The following IBTK variants were observed in gnomAD, a reference collection of about 807,000 sequenced individuals.
IBTK encodes BTK-binding protein.
IBTK carries 83 observed loss-of-function variants against 154.9 expected under a neutral mutation model. The observed-to-expected ratio is 0.54, with a 90% CI of 0.45 to 0.64. The LOEUF (loss-of-function observed/expected upper bound fraction) is 0.64. IBTK is among the 30% of genes least tolerant of loss of function. The pLI is 0.00. For missense variants in IBTK, 1,332 were observed against 1,584.6 expected, an observed-to-expected ratio of 0.84 and a Z score of 2.71; for synonymous variants, 515 against 536.1, an observed-to-expected ratio of 0.96 and a Z score of 0.54.
At chr6:82,232,831 C>T (rs1296748701) in intron 3 of IBTK, among the ~76,000 whole-genome samples, 2 of 151,942 alleles carry the variant, frequency 1.3e-5, no homozygotes, top group Non-Finnish European at 2.9e-5. Context: ...CCCTGGTCAA[C>T]GTGGCAAAAC....
chr6:82,181,008 T>C (rs986923065), intron 26 of IBTK, among the ~76,000 whole-genome samples: 14 of 152,356 alleles, frequency 9.2e-5, no homozygotes, highest in African/African-American at 3.4e-4. Flanking sequence ...AATACTGCTT[T>C]TAAATTATAG....
chr6:82,220,647 A>G lies in IBTK; in HGVS notation c.1191T>C (p.His397=). 6.2e-7 allele frequency: 1 copy of G among 1,612,862 alleles called. No homozygotes were observed. Among genetic ancestry groups the G allele is most frequent in the Non-Finnish European group, 8.5e-7 (1 of 1,179,534 alleles). The change falls in exon 9 of 29, where the codon CAT becomes CAC. Residue 397 remains histidine (H), a synonymous_variant. Coordinates refer to ENST00000306270, the MANE Select transcript of IBTK (RefSeq NM_015525.4). ...TTTTTTGACCCCCATTTTCTTTCAAATGTTCAGGATCAACCTTGTATTCCA... is the reference window on the plus strand; with the variant it reads ...TTTTTTGACCCCCATTTTCTTTCAAGTGTTCAGGATCAACCTTGTATTCCA... ...GHMEYKVDPE[H]LKENGGQKIC...
At chr6:82,204,405 A>C (rs1769321307) in intron 17 of IBTK, among the ~76,000 whole-genome samples, 1 of 152,206 alleles carries the variant, frequency 6.6e-6, no homozygotes, top group Admixed American at 6.5e-5. Flanking sequence ...TAATGAAGAG[A>C]GCAAGAAAGA....
chr6:82,210,921 T>C lies in IBTK; in HGVS notation c.2413-11A>G, dbSNP rs372028127. 256 of 1,434,322 alleles carry C rather than the reference T, an allele frequency of 1.8e-4. No individual in the cohort carries two copies. Among genetic ancestry groups the C allele is most frequent in the Non-Finnish European group, 2.4e-4 (251 of 1,051,482 alleles). The allele number at this position is 1,434,322 out of a possible 1,614,324, so 88.8% of individuals were successfully genotyped here. On this transcript the variant is annotated splice_polypyrimidine_tract_variant and intron_variant, in intron 15 of 28. Transcript: ENST00000306270. ...TGCACAACTGGAAGCCTAAATAAAA[T>C]AAGACAAAATAAAGTAAAATAATTC...
chr6:82,220,651 T>G lies in IBTK; in HGVS notation c.1187A>C (p.Glu396Ala). Residue 396 changes from glutamate (E) to alanine (A), a missense_variant, in exon 9 of 29, where the codon GAA (glutamate) becomes GCA (alanine). Coordinates refer to ENST00000306270, the MANE Select transcript of IBTK (RefSeq NM_015525.4). ...TTGACCCCCATTTTCTTTCAAATGT[T>G]CAGGATCAACCTTGTATTCCATATG... ...GGHMEYKVDP[E>A]HLKENGGQKI... 1 of 1,613,022 alleles carries G rather than the reference T, an allele frequency of 6.2e-7. No individual in the cohort carries two copies. The highest frequency in any genetic ancestry group is 1.3e-5 in the African/African-American group (1 of 74,912).
At chr6:82,220,763 C>T (rs368501429) in intron 8 of IBTK, 50 bp from the exon 9 acceptor site, 3 of 1,366,908 alleles carry the variant, frequency 2.2e-6, no homozygotes, top group East Asian at 5.0e-5. Context: ...CTAAACTACA[C>T]ATGCCTAAAC....
At chr6:82,207,981 T>C (rs1234849773) in intron 16 of IBTK, among the ~76,000 whole-genome samples, 2 of 152,020 alleles carry the variant, frequency 1.3e-5, no homozygotes, top group East Asian at 3.8e-4. Context: ...GGGAAGATAT[T>C]GGTCAAAGAG....
chr6:82,186,167 C>A (rs1283997969), intron 25 of IBTK, among the ~76,000 whole-genome samples: 1 of 152,118 alleles, frequency 6.6e-6, no homozygotes, highest in Non-Finnish European at 1.5e-5. Flanking sequence ...TGGCAGTTCT[C>A]CCATCTCTCT....
At chr6:82,200,831 C>T (rs1769183996) in intron 19 of IBTK, 123 bp from the exon 20 acceptor site, 2 of 1,117,032 alleles carry the variant, frequency 1.8e-6, no homozygotes, top group Non-Finnish European at 2.4e-6. Flanking sequence ...GAACACCTGG[C>T]CCCAAGCAAA....
intron 18 of IBTK, 91 bp downstream of exon 18, chr6:82,202,437 C>T (rs1307341059): frequency 4.0e-6 from 3 of 749,654 alleles, no homozygotes; most frequent in Non-Finnish European, 7.0e-6. Context: ...AGGTAAACAT[C>T]ATTATTCACA....
At chr6:82,193,743 G>A (rs997472405) in intron 23 of IBTK, among the ~76,000 whole-genome samples, 2 of 151,752 alleles carry the variant, frequency 1.3e-5, no homozygotes, top group Non-Finnish European at 1.5e-5. Context: ...GTGCAGTGGC[G>A]CGATCTGGGC....
chr6:82,218,489 T>C (rs1177852258), intron 9 of IBTK, among the ~76,000 whole-genome samples: 1 of 152,216 alleles, frequency 6.6e-6, no homozygotes, highest in Non-Finnish European at 1.5e-5. Context: ...GTCAGGCTTC[T>C]TGTAGTACTA....
intron 23 of IBTK, 41 bp downstream of exon 23, chr6:82,194,438 T>A (rs186764393): frequency 8.0e-7 from 1 of 1,254,278 alleles, no homozygotes; most frequent in East Asian, 2.7e-5. Flanking sequence ...ATGAATGACA[T>A]TTCTCAAACT....
chr6:82,211,784 T>C (rs1769659079), intron 13 of IBTK, among the ~76,000 whole-genome samples: 1 of 152,172 alleles, frequency 6.6e-6, no homozygotes, highest in Non-Finnish European at 1.5e-5. Flanking sequence ...GGGAGCCGAA[T>C]ACAAATATTC....
chr6:82,236,504 T>G (rs1011172392), intron 2 of IBTK, among the ~76,000 whole-genome samples: 5 of 152,154 alleles, frequency 3.3e-5, no homozygotes, highest in Non-Finnish European at 7.3e-5. Context: ...TCCACAAGCA[T>G]AAACAGTCTT....
At chr6:82,181,755 T>A in intron 26 of IBTK, 124 bp downstream of exon 26, 1 of 635,086 alleles carries the variant, frequency 1.6e-6, no homozygotes, top group Non-Finnish European at 2.6e-6. Flanking sequence ...TAATTTTAAT[T>A]CTGAATGTAA....
intron 4 of IBTK, among the ~76,000 whole-genome samples, chr6:82,230,017 C>A (rs1200450247): frequency 6.6e-6 from 1 of 152,022 alleles, no homozygotes; most frequent in Non-Finnish European, 1.5e-5. Context: ...TATTATTTAT[C>A]ATGCAAACAT....
chr6:82,210,750 C>T (rs565642986), intron 16 of IBTK, 64 bp downstream of exon 16: 16 of 624,830 alleles, frequency 2.6e-5, no homozygotes, highest in African/African-American at 1.3e-4. Context: ...TTAAGATTCA[C>T]GTTGATTTTA....
At chr6:82,196,141 T>TTG (rs1198202036) in intron 22 of IBTK, among the ~76,000 whole-genome samples, 157 bp downstream of exon 22, 1 of 152,200 alleles carries the variant, frequency 6.6e-6, no homozygotes, top group Non-Finnish European at 1.5e-5. Context: ...AATAGAAATG[T>TTG]TGTGCAAATT....
Sources: gnomAD v4.1 joint callset for allele counts (sites outside exome capture counted in the v4.1 genomes callset) on GRCh38, gnomAD v4.1.1 for gene constraint, MANE v1.5 for transcripts, NCBI Gene and HGNC (gene_info 2026-07-23, HGNC 2026-07-21) for gene names.